The following MSRA variants were observed in gnomAD, a reference collection of about 807,000 sequenced individuals.
MSRA encodes methionine sulfoxide reductase A.
MSRA carries 54 observed loss-of-function variants against 31.3 expected under a neutral mutation model. The ratio of observed to expected loss-of-function variants is 1.73; its 90% CI spans 1.39 to 2.17. The LOEUF is 2.17. Among genes scored for constraint, MSRA ranks in the 30% most tolerant of loss-of-function variants. The pLI, the probability that MSRA is intolerant of heterozygous loss-of-function variation, is 0.00. For missense variants in MSRA, 507 were observed against 300.9 expected, an observed-to-expected ratio of 1.69 and a Z score of -5.07; for synonymous variants, 169 against 116.5, an observed-to-expected ratio of 1.45 and a Z score of -2.90.
intron 5 of MSRA, among the ~76,000 whole-genome samples, chr8:10,381,978 G>A (rs866947703): frequency 1.7e-4 from 26 of 152,226 alleles, no homozygotes; most frequent in African/African-American, 4.3e-4. Flanking sequence ...CGTATTGGAA[G>A]AAGTAATATG....
intron 1 of MSRA, among the ~76,000 whole-genome samples, chr8:10,185,502 G>C (rs972269304): frequency 7.9e-6 from 1 of 126,014 alleles, no homozygotes; most frequent in Non-Finnish European, 1.8e-5. Context: ...GGGGGAATCA[G>C]CTCTGGGCAC....
At chr8:10,146,640 C>G (rs1413661695) in intron 1 of MSRA, among the ~76,000 whole-genome samples, 1 of 152,040 alleles carries the variant, frequency 6.6e-6, no homozygotes, top group African/African-American at 2.4e-5. Context: ...AGACTAAAAG[C>G]CATCGGATTG....
chr8:10,083,490 G>A (rs997926822), intron 1 of MSRA, among the ~76,000 whole-genome samples: 1 of 152,126 alleles, frequency 6.6e-6, no homozygotes, highest in South Asian at 2.1e-4. Context: ...GAAATCTATT[G>A]ATGCACTTAA....
intron 3 of MSRA, among the ~76,000 whole-genome samples, chr8:10,256,277 C>T (rs532178576): frequency 3.3e-5 from 5 of 152,292 alleles, no homozygotes; most frequent in African/African-American, 1.2e-4. Flanking sequence ...TAAGTTTCCA[C>T]CCTGTCTTTT....
chr8:10,140,930 G>C (rs934919181), intron 1 of MSRA, among the ~76,000 whole-genome samples: 3 of 152,150 alleles, frequency 2.0e-5, no homozygotes, highest in African/African-American at 7.2e-5. Context: ...AGGACTCAGA[G>C]TGAGACACAG....
intron 3 of MSRA, among the ~76,000 whole-genome samples, chr8:10,267,140 A>T (rs1224075233): frequency 6.6e-6 from 1 of 152,228 alleles, no homozygotes; most frequent in African/African-American, 2.4e-5. Context: ...CAGTGATTGC[A>T]CATTGTTTAC....
Position 10,293,231 on chromosome 8 carries a change from C to T in MSRA, c.332-8303C>T, listed in dbSNP as rs148436392. Among the ~76,000 whole-genome samples, 17 of 152,264 alleles carry T rather than the reference C, an allele frequency of 1.1e-4. No homozygotes were observed. In the East Asian group the frequency reaches 2.1e-3, roughly 19 times the overall value. ...TCCCTATAGGATTGCATCAGGGGTG[C>T]GCCATCCCTATGATGGGCCAGCTAA... On this transcript the variant is annotated intron_variant, in intron 3 of 5. Transcript: ENST00000317173.
At chr8:10,158,139 C>T (rs546784313) in intron 1 of MSRA, among the ~76,000 whole-genome samples, 1 of 152,286 alleles carries the variant, frequency 6.6e-6, no homozygotes, top group African/African-American at 2.4e-5. Flanking sequence ...CTAATCCCAT[C>T]CATTAGGGCC....
At chr8:10,209,113 C>G (rs1809261539) in intron 2 of MSRA, among the ~76,000 whole-genome samples, 1 of 152,036 alleles carries the variant, frequency 6.6e-6, no homozygotes, top group South Asian at 2.1e-4. Flanking sequence ...ATCATTATGC[C>G]CAGAAATTTA....
At chr8:10,403,482 G>T (rs1338043854) in intron 5 of MSRA, among the ~76,000 whole-genome samples, 1 of 152,242 alleles carries the variant, frequency 6.6e-6, no homozygotes, top group Non-Finnish European at 1.5e-5. Flanking sequence ...GGCCCTGGCT[G>T]GGACTAGAGA....
intron 1 of MSRA, among the ~76,000 whole-genome samples, chr8:10,070,443 G>A (rs111356457): frequency 6.6e-6 from 1 of 152,248 alleles, no homozygotes; most frequent in East Asian, 1.9e-4. Context: ...TTGAGATAAT[G>A]TTAGATTTAC....
rs536355240 is a variant in MSRA at position 10,395,831 on chromosome 8, A to G, written c.544-32317A>G. Among the ~76,000 whole-genome samples the G allele has an allele frequency of 5.3e-5, 8 of 152,340 alleles. No homozygotes were observed. The South Asian group carries it at 1.7e-3, about 32-fold the overall frequency. The stretch of plus-strand genomic sequence containing the variant: ...CATCTTCTGTGGGTTTCAGAGGCAC[A>G]TATCTTTAATAAAAATATAAAATGG... On this transcript the variant is annotated intron_variant, in intron 5 of 5. Transcript: ENST00000317173.
At position 10,401,709 on chromosome 8, in the gene MSRA, G is replaced by A. The variant is rs577131231; in HGVS notation, c.544-26439G>A. Among the ~76,000 whole-genome samples, 14 of 152,230 alleles carry A rather than the reference G, an allele frequency of 9.2e-5. No homozygotes were observed. The South Asian group carries it at 2.5e-3, about 27-fold the overall frequency. ...AAAAAAAAATGTGACTTATAGATAC[G>A]CAATGGACTGCAGCCTGAAAAGGGA... On this transcript the variant is annotated intron_variant, in intron 5 of 5. Transcript: ENST00000317173.
At chr8:10,225,552 G>A (rs1476915200) in intron 2 of MSRA, among the ~76,000 whole-genome samples, 4 of 152,158 alleles carry the variant, frequency 2.6e-5, no homozygotes, top group Admixed American at 6.5e-5. Flanking sequence ...CCAGAGTTGC[G>A]GAAGAACTAA....
chr8:10,413,023 T>A (rs1006563406), intron 5 of MSRA, among the ~76,000 whole-genome samples: 1 of 152,208 alleles, frequency 6.6e-6, no homozygotes, highest in African/African-American at 2.4e-5. Flanking sequence ...CATTCCCAAA[T>A]GTTTACAGCA....
chr8:10,160,573 C>G (rs929397760), intron 1 of MSRA, among the ~76,000 whole-genome samples: 1 of 151,738 alleles, frequency 6.6e-6, no homozygotes, highest in Non-Finnish European at 1.5e-5. Flanking sequence ...TTATTTTTTC[C>G]GTTTCATGAA....
At chr8:10,385,222 C>T (rs1195682663) in intron 5 of MSRA, among the ~76,000 whole-genome samples, 1 of 152,082 alleles carries the variant, frequency 6.6e-6, no homozygotes, top group Non-Finnish European at 1.5e-5. Flanking sequence ...TGATGGCACG[C>T]CAGGGTGATC....
At chr8:10,317,026 C>T (rs79018027) in intron 4 of MSRA, among the ~76,000 whole-genome samples, 18 of 152,130 alleles carry the variant, frequency 1.2e-4, no homozygotes, top group Admixed American at 4.6e-4. Context: ...AGGCAGGATC[C>T]GTTTTCTCTT....
chr8:10,344,610 C>T (rs1803656173), intron 5 of MSRA, among the ~76,000 whole-genome samples: 1 of 141,992 alleles, frequency 7.0e-6, no homozygotes, highest in African/African-American at 2.6e-5. Context: ...AAAAGCCAGC[C>T]ATTTCCAATG....
Sources: allele counts gnomAD v4.1 joint callset (sites outside exome capture counted in the v4.1 genomes callset), GRCh38; gene constraint gnomAD v4.1.1; transcripts MANE v1.5; gene names NCBI Gene and HGNC (gene_info 2026-07-23, HGNC 2026-07-21).